The following SKIC3 variants were observed in gnomAD, a reference collection of about 807,000 sequenced individuals.
The protein encoded by SKIC3 is SKI3 subunit of superkiller complex, also known as superkiller complex protein 3.
At chr5:95,492,652 G>GAAAAAAAAAAAAAAAAAAAAAAAAAAA in the SKIC3 span, among the ~76,000 whole-genome samples, 6 of 48,842 alleles carry the variant, frequency 1.2e-4, no homozygotes, top group African/African-American at 5.7e-4. Flanking sequence ...AAAAAAAAAA[G>GAAAAAAAAAAAAAAAAAAAAAAAAAAA]AAAAAAAAAA....
the SKIC3 span, chr5:95,527,936 G>T: frequency 6.6e-7 from 1 of 1,523,460 alleles, no homozygotes; most frequent in Non-Finnish European, 9.1e-7. Flanking sequence ...AGTAAATTTT[G>T]TGGTAGGCAG....
chr5:95,487,949 A>G, the SKIC3 span, among the ~76,000 whole-genome samples: 1 of 152,158 alleles, frequency 6.6e-6, no homozygotes, highest in African/African-American at 2.4e-5. Context: ...AGAAAAAGCA[A>G]TTTAGGACAT....
At chr5:95,511,647 T>G in the SKIC3 span, among the ~76,000 whole-genome samples, 3 of 152,244 alleles carry the variant, frequency 2.0e-5, no homozygotes, top group African/African-American at 7.2e-5. Context: ...ACTGCCAATA[T>G]TTACTGTTTT....
At chr5:95,463,964 T>A in the SKIC3 span, 1 of 152,246 alleles carries the variant, frequency 6.6e-6, no homozygotes, top group Admixed American at 6.5e-5. Context: ...CATGATCAAT[T>A]AAATATTATC....
the SKIC3 span, among the ~76,000 whole-genome samples, chr5:95,467,663 C>T: frequency 3.9e-5 from 6 of 152,124 alleles, no homozygotes; most frequent in East Asian, 1.9e-4. Context: ...AAACCATATG[C>T]ATAAATATTT....
the SKIC3 span, chr5:95,467,745 A>T: frequency 2.1e-6 from 3 of 1,411,160 alleles, no homozygotes; most frequent in East Asian, 2.5e-5. Context: ...CTCAGTTTTT[A>T]AAAATTCAAT....
the SKIC3 span, among the ~76,000 whole-genome samples, chr5:95,519,948 T>C: frequency 6.6e-6 from 1 of 151,908 alleles, no homozygotes; most frequent in Non-Finnish European, 1.5e-5. Context: ...TAAAATTCAG[T>C]GAGATAAAAA....
chr5:95,552,911 A>G, the SKIC3 span, among the ~76,000 whole-genome samples: 2 of 152,120 alleles, frequency 1.3e-5, no homozygotes, highest in Non-Finnish European at 2.9e-5. Flanking sequence ...TGAAAGGGAG[A>G]GATTATCCAT....
At chr5:95,528,273 A>G in the SKIC3 span, 2 of 1,182,488 alleles carry the variant, frequency 1.7e-6, no homozygotes, top group South Asian at 1.3e-5. Context: ...AAAACAATAT[A>G]CATGAAGAAT....
At chr5:95,528,622 C>T in the SKIC3 span, among the ~76,000 whole-genome samples, 2 of 152,064 alleles carry the variant, frequency 1.3e-5, no homozygotes, top group Non-Finnish European at 2.9e-5. Context: ...CACCCCTCAC[C>T]CTGTCACATT....
chr5:95,518,748 G>A, the SKIC3 span, among the ~76,000 whole-genome samples: 2 of 151,868 alleles, frequency 1.3e-5, no homozygotes, highest in African/African-American at 4.8e-5. Context: ...CTCGACTATT[G>A]TGAATAGTGC....
the SKIC3 span, chr5:95,503,807 T>C: frequency 2.1e-4 from 339 of 1,613,404 alleles, no homozygotes; most frequent in Non-Finnish European, 2.8e-4. Flanking sequence ...CAGAGCAATA[T>C]ACTTACCTTT....
chr5:95,494,560 T>C, the SKIC3 span: 6 of 1,007,064 alleles, frequency 6.0e-6, no homozygotes, highest in Non-Finnish European at 9.0e-6. Flanking sequence ...TTACACACAT[T>C]TTTGTCTGGT....
the SKIC3 span, chr5:95,504,058 C>CAA: frequency 1.7e-6 from 1 of 602,260 alleles, no homozygotes; most frequent in Non-Finnish European, 2.4e-6. Context: ...TCTGTAATCC[C>CAA]AGCACTTTGG....
chr5:95,486,801 C>A, the SKIC3 span, among the ~76,000 whole-genome samples: 3 of 152,178 alleles, frequency 2.0e-5, no homozygotes, highest in Non-Finnish European at 4.4e-5. Context: ...ATTGCAGCCA[C>A]CACCAATGCC....
At chr5:95,525,545 C>A in the SKIC3 span, 48 of 1,613,710 alleles carry the variant, frequency 3.0e-5, no homozygotes, top group Non-Finnish European at 3.8e-5. Context: ...AATAAAAATG[C>A]TTTTAACTCA....
the SKIC3 span, among the ~76,000 whole-genome samples, chr5:95,466,167 C>A: frequency 1.3e-5 from 2 of 152,126 alleles, no homozygotes; most frequent in Non-Finnish European, 2.9e-5. Context: ...TAACCCAATA[C>A]ATTTGTATAT....
the SKIC3 span, chr5:95,482,602 G>C: frequency 1.9e-6 from 3 of 1,613,896 alleles, no homozygotes; most frequent in Non-Finnish European, 2.5e-6. Flanking sequence ...GTAAGATAAC[G>C]GCTGGCTGAT....
the SKIC3 span, among the ~76,000 whole-genome samples, chr5:95,493,669 T>G: frequency 6.6e-6 from 1 of 152,098 alleles, no homozygotes; most frequent in East Asian, 1.9e-4. Flanking sequence ...AATGAGGGTC[T>G]TTACAATTTA....
Sources: allele counts gnomAD v4.1 joint callset (sites outside exome capture counted in the v4.1 genomes callset), GRCh38; gene constraint gnomAD v4.1.1; transcripts MANE v1.5; gene names NCBI Gene and HGNC (gene_info 2026-07-23, HGNC 2026-07-21).